Variants in MYO16 observed in about 807,000 individuals in gnomAD.
The protein encoded by MYO16 is unconventional myosin-XVI.
MYO16 carries 94 observed loss-of-function variants against 205.3 expected under a neutral mutation model. The observed-to-expected ratio is 0.46, with a 90% confidence interval of 0.39 to 0.54. The LOEUF is 0.54. Ranked by LOEUF, MYO16 falls within the 20% of genes least tolerant of loss-of-function variation. The pLI, the probability that MYO16 is intolerant of heterozygous loss-of-function variation, is 0.00. For synonymous variants in MYO16, 988 were observed against 954.0 expected, an observed-to-expected ratio of 1.04 and a Z score of -0.66; for missense variants, 2,315 against 2,387.5, an observed-to-expected ratio of 0.97 and a Z score of 0.63.
chr13:108,585,147 G>A, the MYO16 span, among the ~76,000 whole-genome samples: 7 of 152,246 alleles, frequency 4.6e-5, no homozygotes, highest in Admixed American at 2.0e-4. Flanking sequence ...TTTATTCTGA[G>A]CCAAATACGA....
the MYO16 span, among the ~76,000 whole-genome samples, chr13:108,501,751 C>T: frequency 6.6e-6 from 1 of 152,142 alleles, no homozygotes; most frequent in Non-Finnish European, 1.5e-5. Context: ...AAACCCAAAA[C>T]GAATAAAGAA....
chr13:108,931,809 A>T (rs542631498), intron 16 of MYO16, among the ~76,000 whole-genome samples: 1 of 152,346 alleles, frequency 6.6e-6, no homozygotes, highest in African/African-American at 2.4e-5. Flanking sequence ...TTTAAAAATT[A>T]ATCCTGCTTA....
intron 2 of MYO16, among the ~76,000 whole-genome samples, chr13:108,686,083 TCA>T (rs1176253547): frequency 1.3e-5 from 2 of 152,184 alleles, no homozygotes; most frequent in South Asian, 2.1e-4. Flanking sequence ...AGGAAATGTT[TCA>T]GGACGTAGCA....
chr13:108,533,480 T>C, the MYO16 span, among the ~76,000 whole-genome samples: 1 of 152,238 alleles, frequency 6.6e-6, no homozygotes, highest in Non-Finnish European at 1.5e-5. Context: ...CAATGCATCA[T>C]CAATCATGCT....
At chr13:108,749,677 G>A (rs1462529383) in intron 4 of MYO16, among the ~76,000 whole-genome samples, 1 of 152,318 alleles carries the variant, frequency 6.6e-6, no homozygotes, top group African/African-American at 2.4e-5. Flanking sequence ...ATTCACTGCT[G>A]GTGGGAACAA....
At chr13:108,650,178 A>ATT (rs66484661) in intron 1 of MYO16, among the ~76,000 whole-genome samples, 27,403 of 151,830 alleles carry the variant, frequency 0.18, 3,747 homozygotes, top group African/African-American at 0.37. Context: ...AAAATCATGC[A>ATT]TTTTTTTCAG....
intron 28 of MYO16, among the ~76,000 whole-genome samples, chr13:109,118,265 A>T (rs1367663): frequency 0.32 from 48,683 of 152,078 alleles, 8,359 homozygotes; most frequent in Non-Finnish European, 0.39. Context: ...CTTCCCCAGT[A>T]CACTATGTGC....
At position 108,676,705 on chromosome 13, in the gene MYO16, C is replaced by T. The variant is rs149506315; in HGVS notation, c.292+10556C>T. The stretch of plus-strand genomic sequence containing the variant: ...GAGTGAGTGACACTGCTGCAAGTTA[C>T]GGGACAAACCTCAGCAGCCCCAGAA... On this transcript the variant is annotated intron_variant, in intron 2 of 34. Transcript: ENST00000457511. Among the ~76,000 whole-genome samples the T allele has an allele frequency of 8.6e-3, 1,311 of 152,252 alleles. 22 individuals carry two copies. Among genetic ancestry groups the T allele is most frequent in the African/African-American group, 0.03 (1,227 of 41,544 alleles).
At position 108,793,509 on chromosome 13, in the gene MYO16, C is replaced by T. The variant is rs1886686524; in HGVS notation, c.617-7C>T. On this transcript the variant is annotated splice_polypyrimidine_tract_variant and splice_region_variant and intron_variant, in intron 5 of 34. Transcript: ENST00000457511. ...CATTCTGGTTGAAAGGCTCTTTCTC[C>T]CCACAGGAGTGGATTTGACCTCACT... The T allele has an allele frequency of 6.2e-7, 1 of 1,612,714 alleles. No individual in the cohort carries two copies. The highest frequency in any genetic ancestry group is 1.3e-5 in the African/African-American group (1 of 74,864).
At chr13:108,952,198 T>C (rs1208002611) in intron 16 of MYO16, among the ~76,000 whole-genome samples, 1 of 152,158 alleles carries the variant, frequency 6.6e-6, no homozygotes, top group East Asian at 1.9e-4. Flanking sequence ...TTAAAATTTC[T>C]ATGGAATTGG....
At chr13:108,900,058 C>T (rs1439331916) in intron 15 of MYO16, among the ~76,000 whole-genome samples, 1 of 152,156 alleles carries the variant, frequency 6.6e-6, no homozygotes, top group Non-Finnish European at 1.5e-5. Context: ...TTTTTCTTCT[C>T]AATTTCATGT....
At chr13:108,539,145 T>A in the MYO16 span, among the ~76,000 whole-genome samples, 1 of 152,164 alleles carries the variant, frequency 6.6e-6, no homozygotes, top group Non-Finnish European at 1.5e-5. Flanking sequence ...TTTCATGTCC[T>A]GTACCTGAGT....
chr13:108,654,005 G>A (rs1462534013), intron 1 of MYO16, among the ~76,000 whole-genome samples: 2 of 151,974 alleles, frequency 1.3e-5, no homozygotes, highest in Non-Finnish European at 2.9e-5. Flanking sequence ...TTGCTTTAGG[G>A]TACAAGTCAC....
intron 1 of MYO16, among the ~76,000 whole-genome samples, chr13:108,612,894 C>T (rs1879225894): frequency 6.6e-6 from 1 of 152,108 alleles, no homozygotes; most frequent in Non-Finnish European, 1.5e-5. Context: ...TGAAATTAAA[C>T]CAGTATGCAA....
At chr13:108,737,092 A>C (rs1884729664) in intron 4 of MYO16, among the ~76,000 whole-genome samples, 2 of 152,216 alleles carry the variant, frequency 1.3e-5, no homozygotes, top group African/African-American at 4.8e-5. Flanking sequence ...AACAGGGACA[A>C]TTTGACTTCC....
intron 5 of MYO16, among the ~76,000 whole-genome samples, chr13:108,793,295 A>AC (rs1214728754): frequency 1.4e-5 from 2 of 138,104 alleles, no homozygotes; most frequent in Non-Finnish European, 1.6e-5. Context: ...CAAAAAAAAA[A>AC]AAAAAAAAAA....
At chr13:108,572,343 T>C in the MYO16 span, among the ~76,000 whole-genome samples, 1 of 152,170 alleles carries the variant, frequency 6.6e-6, no homozygotes, top group Non-Finnish European at 1.5e-5. Flanking sequence ...GGGTATAATC[T>C]TTATCATTTA....
chr13:108,996,005 A>C (rs1257413632), intron 21 of MYO16, among the ~76,000 whole-genome samples: 3 of 152,204 alleles, frequency 2.0e-5, no homozygotes, highest in Non-Finnish European at 4.4e-5. Context: ...TAGTTCAACC[A>C]TTGTGGAAGT....
intron 34 of MYO16, among the ~76,000 whole-genome samples, chr13:109,199,240 AC>A (rs1880309863): frequency 1.1e-5 from 1 of 94,024 alleles, no homozygotes; most frequent in African/African-American, 4.0e-5. Context: ...ATATATATAT[AC>A]CGTCATTTTG....
Sources: allele counts gnomAD v4.1 joint callset (sites outside exome capture counted in the v4.1 genomes callset), GRCh38; gene constraint gnomAD v4.1.1; transcripts MANE v1.5; gene names NCBI Gene and HGNC (gene_info 2026-07-23, HGNC 2026-07-21).